DTD1: variants seen among roughly 807,000 people sequenced by gnomAD.
DTD1 encodes the protein D-tyrosyl-tRNA deacylase 1 homolog.
Under a neutral mutation model 25.6 loss-of-function variants are expected in DTD1, and 13 were observed. The ratio of observed to expected loss-of-function variants is 0.51; its 90% CI spans 0.33 to 0.81. The LOEUF is 0.81. Ranked by LOEUF, DTD1 falls within the 30% of genes least tolerant of loss-of-function variation. The pLI, the probability that DTD1 is intolerant of heterozygous loss-of-function variation, is 0.02. For missense variants in DTD1, 193 were observed against 266.4 expected (o/e 0.72, Z 1.92); for synonymous variants, 110 against 103.6 (o/e 1.06, Z -0.37).
At chr20:18,693,346 C>A (rs968550625) in intron 4 of DTD1, among the ~76,000 whole-genome samples, 2 of 152,076 alleles carry the variant, frequency 1.3e-5, no homozygotes, top group African/African-American at 4.8e-5. Context: ...TTGTTTTCTG[C>A]CAGCTTTTCT....
chr20:18,704,973 AC>A lies in DTD1; in HGVS notation c.478-39125del, dbSNP rs58920404. On this transcript the variant is annotated intron_variant, in intron 4 of 5. Coordinates refer to ENST00000377452, the MANE Select transcript of DTD1 (RefSeq NM_080820.6). Reference sequence around the variant, plus strand: ...AGCAGTTGTTAAGGTAGATTATCTGACCTTTGCTGTCCAGTAGCATGGCCAC... The same window carrying A: ...AGCAGTTGTTAAGGTAGATTATCTGACTTTGCTGTCCAGTAGCATGGCCAC... Among the ~76,000 whole-genome samples, 699 of 152,334 alleles carry A rather than the reference AC, an allele frequency of 4.6e-3. 5 individuals are homozygous for A. Among genetic ancestry groups the A allele is most frequent in the African/African-American group, 0.016 (667 of 41,576 alleles).
chr20:18,593,957 T>A, intron 2 of DTD1, 136 bp downstream of exon 2: 1 of 691,870 alleles, frequency 1.4e-6, no homozygotes, highest in Admixed American at 2.1e-5. Context: ...GTAGTATGGT[T>A]ATCTCCGTGT....
intron 4 of DTD1, among the ~76,000 whole-genome samples, chr20:18,682,322 G>T (rs981515769): frequency 6.6e-6 from 1 of 152,106 alleles, no homozygotes; most frequent in African/African-American, 2.4e-5. Flanking sequence ...AGATTTCTTC[G>T]CCCATTGTTG....
chr20:18,733,584 C>T (rs934313300), intron 4 of DTD1, among the ~76,000 whole-genome samples: 1 of 152,200 alleles, frequency 6.6e-6, no homozygotes, highest in African/African-American at 2.4e-5. Context: ...CCACCATGTC[C>T]CCTTGCAGGG....
intron 4 of DTD1, among the ~76,000 whole-genome samples, chr20:18,732,502 TG>T (rs1168425818): frequency 6.6e-6 from 1 of 152,206 alleles, no homozygotes; most frequent in Non-Finnish European, 1.5e-5. Flanking sequence ...ATGGGGGGCA[TG>T]GCCAGTGCAT....
At chr20:18,663,436 A>G (rs2060919276) in intron 4 of DTD1, among the ~76,000 whole-genome samples, 1 of 152,204 alleles carries the variant, frequency 6.6e-6, no homozygotes, top group Admixed American at 6.5e-5. Context: ...TGTATGGCTC[A>G]TTTAATTTAA....
rs142553564 is a variant in DTD1 at position 18,735,745 on chromosome 20, A to G, written c.478-8355A>G. On this transcript the variant is annotated intron_variant, in intron 4 of 5. Transcript: ENST00000377452. ...CTTGAGTTGAGTTGAGTTTTGTGGG[A>G]CTTATCACAAAAGTAAACTAGGACA... 7.7e-3 allele frequency among the ~76,000 whole-genome samples: 1,179 copies of G among 152,242 alleles called. 8 individuals carry two copies. The highest frequency in any genetic ancestry group is 0.012 in the Non-Finnish European group (849 of 68,022).
At chr20:18,750,621 A>G (rs907638523) in intron 5 of DTD1, among the ~76,000 whole-genome samples, 2 of 152,178 alleles carry the variant, frequency 1.3e-5, no homozygotes, top group Non-Finnish European at 2.9e-5. Context: ...CACATTGCAA[A>G]TGTTGCTTCT....
chr20:18,737,558 C>T (rs1185718406), intron 4 of DTD1, among the ~76,000 whole-genome samples: 1 of 152,212 alleles, frequency 6.6e-6, no homozygotes, highest in African/African-American at 2.4e-5. Flanking sequence ...CAGGTGGGCC[C>T]GGGTCAGACT....
At chr20:18,677,957 C>T (rs1600361206) in intron 4 of DTD1, among the ~76,000 whole-genome samples, 1 of 152,222 alleles carries the variant, frequency 6.6e-6, no homozygotes, top group Admixed American at 6.5e-5. Context: ...AAGAGAAGAG[C>T]TCACTTCTAC....
chr20:18,682,060 G>GA (rs2060999717), intron 4 of DTD1, among the ~76,000 whole-genome samples: 1 of 152,198 alleles, frequency 6.6e-6, no homozygotes, highest in Non-Finnish European at 1.5e-5. Context: ...TAACAGTACA[G>GA]TGTTATTTGA....
At chr20:18,738,118 CCT>C (rs2061263636) in intron 4 of DTD1, among the ~76,000 whole-genome samples, 1 of 152,176 alleles carries the variant, frequency 6.6e-6, no homozygotes, top group Admixed American at 6.5e-5. Context: ...TCTGCTGTGT[CCT>C]TGGCACCTAG....
chr20:18,743,402 G>A (rs1401519292), intron 4 of DTD1, among the ~76,000 whole-genome samples: 2 of 152,176 alleles, frequency 1.3e-5, no homozygotes, highest in Non-Finnish European at 2.9e-5. Flanking sequence ...ACATTCTTTA[G>A]AAAACACGTG....
chr20:18,641,940 A>G (rs2060830130), intron 4 of DTD1, among the ~76,000 whole-genome samples: 1 of 152,222 alleles, frequency 6.6e-6, no homozygotes, highest in Non-Finnish European at 1.5e-5. Flanking sequence ...TCATTGCCAA[A>G]TCTAAATCAT....
chr20:18,729,789 A>C (rs946492885), intron 4 of DTD1, among the ~76,000 whole-genome samples: 1 of 152,224 alleles, frequency 6.6e-6, no homozygotes, highest in Non-Finnish European at 1.5e-5. Context: ...TTCCATACCC[A>C]GGGCCTTCCT....
chr20:18,595,048 A>C, intron 2 of DTD1, among the ~76,000 whole-genome samples: 1 of 152,176 alleles, frequency 6.6e-6, no homozygotes, highest in South Asian at 2.1e-4. Flanking sequence ...TTCAGCTTTC[A>C]TGCTGGTGGT....
intron 3 of DTD1, among the ~76,000 whole-genome samples, chr20:18,625,317 A>G (rs2060752788): frequency 6.6e-6 from 1 of 152,244 alleles, no homozygotes; most frequent in Admixed American, 6.5e-5. Flanking sequence ...GACAAAACAG[A>G]TATTTTCACC....
chr20:18,733,783 C>T (rs1468204689), intron 4 of DTD1, among the ~76,000 whole-genome samples: 2 of 152,130 alleles, frequency 1.3e-5, no homozygotes, highest in Non-Finnish European at 2.9e-5. Context: ...AAAAAAAATT[C>T]TACAAAAACC....
intron 4 of DTD1, among the ~76,000 whole-genome samples, chr20:18,629,685 C>G (rs766750309): frequency 1.3e-5 from 2 of 151,784 alleles, no homozygotes; most frequent in Non-Finnish European, 2.9e-5. Context: ...AAAGAAATAC[C>G]TGAGACAGGG....
Sources: allele counts gnomAD v4.1 joint callset (sites outside exome capture counted in the v4.1 genomes callset), GRCh38; gene constraint gnomAD v4.1.1; transcripts MANE v1.5; gene names NCBI Gene and HGNC (gene_info 2026-07-23, HGNC 2026-07-21).